Variants in TDRD9 observed in about 807,000 individuals in gnomAD.
TDRD9 encodes the protein ATP-dependent RNA helicase TDRD9.
A neutral mutation model predicts 172.6 loss-of-function variants in TDRD9; 124 were observed. That is an observed-to-expected ratio of 0.72 (90% CI 0.62 to 0.83). The LOEUF (loss-of-function observed/expected upper bound fraction) is 0.83, where lower values mean the gene tolerates loss of function less well. TDRD9 is among the 40% of genes least tolerant of loss of function. The pLI, the probability that TDRD9 is intolerant of heterozygous loss-of-function variation, is 0.00. For missense variants in TDRD9, 1,479 were observed against 1,714.1 expected (o/e 0.86, Z 2.42); for synonymous variants, 619 against 617.1 (o/e 1.00, Z -0.05).
intron 5 of TDRD9, among the ~76,000 whole-genome samples, chr14:103,968,190 TC>T (rs1489151295): frequency 5.9e-5 from 9 of 152,226 alleles, no homozygotes; most frequent in African/African-American, 1.9e-4. Flanking sequence ...AAAAGTTAGC[TC>T]CTCTCTTCGA....
chr14:103,941,850 T>C, intron 1 of TDRD9: 4 of 615,836 alleles, frequency 6.5e-6, no homozygotes, highest in Non-Finnish European at 1.1e-5. Context: ...AGAACATGGA[T>C]TAACGTCTTA....
intron 24 of TDRD9, among the ~76,000 whole-genome samples, chr14:104,023,388 A>G (rs546565160): frequency 1.3e-5 from 2 of 152,328 alleles, no homozygotes; most frequent in South Asian, 4.1e-4. Context: ...TGTCTTCAAC[A>G]CAGCAGTCAG....
At chr14:103,985,251 C>T (rs2033617994) in intron 7 of TDRD9, among the ~76,000 whole-genome samples, 1 of 152,052 alleles carries the variant, frequency 6.6e-6, no homozygotes, top group African/African-American at 2.4e-5. Flanking sequence ...TTAGCTGTGT[C>T]CCCACCGAAA....
chr14:104,012,397 A>C (rs1448279287), intron 20 of TDRD9, among the ~76,000 whole-genome samples: 1 of 152,240 alleles, frequency 6.6e-6, no homozygotes, highest in Non-Finnish European at 1.5e-5. Flanking sequence ...CAGAGTCTGC[A>C]AGATGCTTCC....
intron 3 of TDRD9, among the ~76,000 whole-genome samples, chr14:103,964,646 C>T (rs1213361081): frequency 6.6e-6 from 1 of 152,168 alleles, no homozygotes; most frequent in African/African-American, 2.4e-5. Flanking sequence ...CCTGCTTCAA[C>T]CTCCCAAGTA....
At chr14:104,009,593 A>T (rs1157011404) in intron 20 of TDRD9, among the ~76,000 whole-genome samples, 1 of 152,218 alleles carries the variant, frequency 6.6e-6, no homozygotes, top group East Asian at 1.9e-4. Flanking sequence ...GTTCATAAAA[A>T]TTTTTAAAAA....
chr14:103,938,444 T>TTTA (rs2030953845), intron 1 of TDRD9, among the ~76,000 whole-genome samples: 1 of 108,774 alleles, frequency 9.2e-6, no homozygotes, highest in Non-Finnish European at 1.9e-5. Flanking sequence ...ATATATATTT[T>TTTA]TTTTTTTTTT....
In TDRD9 at chr14:104,051,893, G is replaced by T. The variant is rs963415674; in HGVS notation, c.4048-88G>T. 4.5e-5 allele frequency: 34 copies of T among 748,348 alleles called. 1 individual carries two copies. In the South Asian group the frequency reaches 4.6e-4, roughly 10 times the overall value. 46.4% of individuals were successfully genotyped at this position (748,348 alleles called of 1,614,324 possible). A position where few individuals can be genotyped will look rare whatever the true frequency, so the allele number is the denominator to read the frequency against. ...TTTTTGGAGAACTGAATTATACTTT[G>T]TGCATCCTGGATGTTAATGCATGTG... is the stretch of plus-strand genomic sequence containing the variant. On this transcript the variant is annotated intron_variant, in intron 35 of 35. Coordinates refer to ENST00000409874, the MANE Select transcript of TDRD9 (RefSeq NM_153046.3).
intron 7 of TDRD9, among the ~76,000 whole-genome samples, chr14:103,978,894 TCAAA>T (rs1233503494): frequency 4.6e-5 from 7 of 152,340 alleles, no homozygotes; most frequent in Admixed American, 2.0e-4. Context: ...ATCTATTGTA[TCAAA>T]CATTTTTTTG....
intron 1 of TDRD9, among the ~76,000 whole-genome samples, chr14:103,932,433 G>T (rs1436112181): frequency 1.3e-5 from 2 of 151,610 alleles, no homozygotes; most frequent in African/African-American, 4.8e-5. Flanking sequence ...TGTCGCCCAG[G>T]CTGGAGTGTA....
intron 13 of TDRD9, among the ~76,000 whole-genome samples, chr14:104,002,091 G>C (rs1304134397): frequency 6.6e-6 from 1 of 151,532 alleles, no homozygotes; most frequent in Non-Finnish European, 1.5e-5. Context: ...AGGGTGAGGT[G>C]GGCAGACTGC....
chr14:103,964,901 G>T (rs1242548891), intron 3 of TDRD9, among the ~76,000 whole-genome samples: 1 of 152,088 alleles, frequency 6.6e-6, no homozygotes, highest in Non-Finnish European at 1.5e-5. Flanking sequence ...CTCTTGTGTT[G>T]TGTTTAGAAT....
rs202132753 is a variant in TDRD9, at chr14:103,931,138, A to AC, written c.215+2414_215+2415insC. ...GGTGAAACCCTGTCTCTACCAAAAA[A>AC]AAAAACAAAAATTTGCCCAGCATGG... On this transcript the variant is annotated intron_variant, in intron 1 of 35. Transcript: ENST00000409874. Among the ~76,000 whole-genome samples the AC allele has an allele frequency of 1.9e-3, 286 of 152,032 alleles. 1 individual carries two copies. Among genetic ancestry groups the AC allele is most frequent in the African/African-American group, 6.7e-3 (279 of 41,474 alleles).
At position 103,975,338 on chromosome 14, in the gene TDRD9, A is replaced by G. The variant is rs920692549; in HGVS notation, c.847-51A>G. The G allele has an allele frequency of 1.5e-5, 23 of 1,558,584 alleles. No individual in the cohort carries two copies. In the African/African-American group the frequency reaches 3.0e-4, roughly 20 times the overall value. Reference sequence around the variant, plus strand: ...AAGCCTGCAGTTTTAGAAGTATTTAATTTGTGATGATTCTCATTGTTTTAT... The same window carrying G: ...AAGCCTGCAGTTTTAGAAGTATTTAGTTTGTGATGATTCTCATTGTTTTAT... On this transcript the variant is annotated intron_variant, in intron 6 of 35. Transcript: ENST00000409874.
intron 1 of TDRD9, among the ~76,000 whole-genome samples, chr14:103,929,711 G>T (rs61997569): frequency 0.25 from 38,524 of 152,082 alleles, 5,315 homozygotes; most frequent in Non-Finnish European, 0.32. Flanking sequence ...ATAGAGACAG[G>T]GTTTCACCAT....
intron 7 of TDRD9, among the ~76,000 whole-genome samples, chr14:103,982,064 A>ACTTGTCATGTTACCTCACCAC (rs1182021977): frequency 1.3e-5 from 2 of 152,032 alleles, no homozygotes; most frequent in African/African-American, 4.8e-5. Flanking sequence ...TACAAGGGAG[A>ACTTGTCATGTTACCTCACCAC]AGCCCCCTTT....
intron 1 of TDRD9, chr14:103,928,939 T>C (rs1256038908): frequency 1.6e-5 from 4 of 248,634 alleles, no homozygotes; most frequent in African/African-American, 2.3e-5. Flanking sequence ...TTTTTTTTTT[T>C]TTTTTTCAGT....
chr14:103,991,300 A>T (rs1047259129), intron 9 of TDRD9, 76 bp downstream of exon 9: 114 of 1,455,174 alleles, frequency 7.8e-5, no homozygotes, highest in Non-Finnish European at 1.0e-4. Context: ...AACACAGATT[A>T]TGAAAGATGG....
At chr14:103,955,501 T>A (rs2032148399) in intron 1 of TDRD9, among the ~76,000 whole-genome samples, 163 bp from the exon 2 acceptor site, 1 of 152,214 alleles carries the variant, frequency 6.6e-6, no homozygotes, top group Admixed American at 6.5e-5. Flanking sequence ...GGTTTGTCAT[T>A]GTTTTAATTT....
Sources: allele counts gnomAD v4.1 joint callset (sites outside exome capture counted in the v4.1 genomes callset), GRCh38; gene constraint gnomAD v4.1.1; transcripts MANE v1.5; gene names NCBI Gene and HGNC (gene_info 2026-07-23, HGNC 2026-07-21).